The following SIPA1L3 variants were observed in gnomAD, a reference collection of about 807,000 sequenced individuals.
SIPA1L3 encodes the protein signal-induced proliferation-associated 1-like protein 3.
In SIPA1L3, 59 loss-of-function variants were observed where a neutral mutation model predicts 150.1. The observed-to-expected ratio is 0.39, with a 90% CI of 0.32 to 0.49. SIPA1L3 has a LOEUF of 0.49. Among genes scored for constraint, SIPA1L3 ranks in the 20% least tolerant of loss-of-function variants. The pLI is 0.86. For synonymous variants in SIPA1L3, 1,070 were observed against 1,077.6 expected (o/e 0.99, Z 0.14); for missense variants, 2,211 against 2,489.5 (o/e 0.89, Z 2.38).
In SIPA1L3 at chr19:38,182,606, C is replaced by A; in HGVS notation, c.4296C>A (p.Pro1432=). The A allele has an allele frequency of 6.2e-7, 1 of 1,614,230 alleles. No homozygotes were observed. The highest frequency in any genetic ancestry group is 2.2e-5 in the East Asian group (1 of 44,884). ...CTCGGCCCTCCCAGCTGGCCCAGCCCAGCCCCTTTCAGCTCTCCGCCTCCG... is the reference window on the plus strand; with the variant it reads ...CTCGGCCCTCCCAGCTGGCCCAGCCAAGCCCCTTTCAGCTCTCCGCCTCCG... ...ETPRPSQLAQ[P]SPFQLSASVP... Residue 1432 remains proline (P), a synonymous_variant, in exon 16 of 22, where the codon CCC becomes CCA. Coordinates refer to ENST00000222345, the MANE Select transcript of SIPA1L3 (RefSeq NM_015073.3).
chr19:37,913,303 T>C (rs1335238020), intron 1 of SIPA1L3, among the ~76,000 whole-genome samples: 2 of 152,156 alleles, frequency 1.3e-5, no homozygotes, highest in African/African-American at 4.8e-5. Context: ...GGTCCTATCC[T>C]AGGCACTGAG....
chr19:38,106,665 G>A (rs1405750946), intron 7 of SIPA1L3, 25 bp downstream of exon 7: 7 of 1,531,752 alleles, frequency 4.6e-6, no homozygotes, highest in Middle Eastern at 1.7e-4. Flanking sequence ...GCAGAGGCAC[G>A]GCTGCCGGAT....
intron 2 of SIPA1L3, among the ~76,000 whole-genome samples, chr19:38,058,272 A>G (rs1394761042): frequency 6.6e-6 from 1 of 152,144 alleles, no homozygotes; most frequent in Non-Finnish European, 1.5e-5. Flanking sequence ...CTTCACATCC[A>G]GCGAGGGTCA....
intron 2 of SIPA1L3, among the ~76,000 whole-genome samples, chr19:38,044,558 G>T (rs955008069): frequency 3.9e-4 from 60 of 152,178 alleles, no homozygotes; most frequent in Non-Finnish European, 7.2e-4. Flanking sequence ...GCTGAAGGGA[G>T]CAGGTTCAAG....
At chr19:37,934,293 G>T (rs1443255772) in intron 1 of SIPA1L3, among the ~76,000 whole-genome samples, 1 of 152,202 alleles carries the variant, frequency 6.6e-6, no homozygotes, top group African/African-American at 2.4e-5. Flanking sequence ...ATCATCGCAT[G>T]TCAGGACCTG....
At chr19:37,941,547 C>T (rs940456031) in intron 1 of SIPA1L3, among the ~76,000 whole-genome samples, 1 of 151,694 alleles carries the variant, frequency 6.6e-6, no homozygotes, top group African/African-American at 2.4e-5. Context: ...TGCTCATACC[C>T]TGTCCTGAGC....
chr19:37,916,345 T>C (rs961065228), intron 1 of SIPA1L3, among the ~76,000 whole-genome samples: 3 of 151,718 alleles, frequency 2.0e-5, no homozygotes, highest in African/African-American at 4.8e-5. Context: ...GCAAAAAATT[T>C]TTAAATTAGC....
intron 4 of SIPA1L3, among the ~76,000 whole-genome samples, chr19:38,092,921 G>A (rs1024413284): frequency 1.4e-5 from 2 of 147,106 alleles, no homozygotes; most frequent in African/African-American, 2.5e-5. Flanking sequence ...GGGCAGTGGC[G>A]TGATCTCTGC....
At chr19:38,156,159 G>A (rs1470922498) in intron 13 of SIPA1L3, among the ~76,000 whole-genome samples, 1 of 152,174 alleles carries the variant, frequency 6.6e-6, no homozygotes, top group Non-Finnish European at 1.5e-5. Flanking sequence ...CCTCTTTGCT[G>A]TCTCCAGGGT....
rs528743825 is a variant in SIPA1L3 at position 38,106,354 on chromosome 19, G to A, written c.2030-183G>A. On this transcript the variant is annotated intron_variant, in intron 6 of 21. Coordinates refer to ENST00000222345, the MANE Select transcript of SIPA1L3 (RefSeq NM_015073.3). ...ACTCCTGACCTCAGATGATCCACCT[G>A]CCTCAGCCTCCCAAAGTGCTGGGAT... is the stretch of plus-strand genomic sequence containing the variant. 2.4e-5 allele frequency: 13 copies of A among 535,750 alleles called. No homozygotes were observed. The East Asian group carries it at 3.3e-4, about 13-fold the overall frequency. The allele number at this position is 535,750 out of a possible 1,614,324, so 33.2% of individuals were successfully genotyped here. A position where few individuals can be genotyped will look rare whatever the true frequency, so the allele number is the denominator to read the frequency against.
Position 38,207,884 on chromosome 19 carries a change from C to T in SIPA1L3, c.*1644C>T, listed in dbSNP as rs1600218518. ...TCAGCGCTGCCCCTGCCCCCACCCT[C>T]ACCCCCAACACCAAGAGTGAGGTGG... On this transcript the variant is annotated 3_prime_UTR_variant, in exon 22 of 22. Transcript: ENST00000222345. 6.5e-6 allele frequency: 1 copy of T among 152,702 alleles called. No homozygotes were observed. The highest frequency in any genetic ancestry group is 1.5e-5 in the Non-Finnish European group (1 of 68,024). The allele number at this position is 152,702 out of a possible 1,614,324, so 9.5% of individuals were successfully genotyped here. A position where few individuals can be genotyped will look rare whatever the true frequency, so the allele number is the denominator to read the frequency against.
intron 1 of SIPA1L3, among the ~76,000 whole-genome samples, chr19:38,001,527 G>A (rs929459596): frequency 3.9e-5 from 6 of 152,062 alleles, no homozygotes; most frequent in African/African-American, 1.4e-4. Flanking sequence ...CTTAGCTCAG[G>A]TGATCCTCTT....
At chr19:38,205,890 C>T (rs1228994055) in intron 21 of SIPA1L3, among the ~76,000 whole-genome samples, 1 of 152,216 alleles carries the variant, frequency 6.6e-6, no homozygotes, top group Non-Finnish European at 1.5e-5. Context: ...CCCTCAGCCT[C>T]CTGGTAGAGT....
At chr19:38,122,382 G>A (rs982979746) in intron 9 of SIPA1L3, among the ~76,000 whole-genome samples, 1 of 152,144 alleles carries the variant, frequency 6.6e-6, no homozygotes, top group Non-Finnish European at 1.5e-5. Flanking sequence ...ATCAGCCTGG[G>A]CTCCACTCTC....
At chr19:38,106,193 G>A (rs558840773) in intron 6 of SIPA1L3, 76 of 259,924 alleles carry the variant, frequency 2.9e-4, no homozygotes, top group African/African-American at 1.2e-3. Context: ...TGCAACCTCC[G>A]CCTCCCGGGT....
At chr19:38,126,162 CAG>C (rs950708847) in intron 9 of SIPA1L3, among the ~76,000 whole-genome samples, 6 of 151,954 alleles carry the variant, frequency 3.9e-5, no homozygotes, top group Admixed American at 3.3e-4. Flanking sequence ...AGCCTGGTGA[CAG>C]AGTGAGGCTC....
intron 2 of SIPA1L3, among the ~76,000 whole-genome samples, chr19:38,036,264 G>T (rs1227226367): frequency 2.0e-5 from 3 of 152,218 alleles, no homozygotes; most frequent in African/African-American, 7.2e-5. Flanking sequence ...TGGGTGATTC[G>T]GAGGGAAGGT....
At chr19:38,152,714 C>T (rs1452803159) in intron 12 of SIPA1L3, 126 bp from the exon 13 acceptor site, 30 of 1,004,650 alleles carry the variant, frequency 3.0e-5, no homozygotes, top group South Asian at 8.4e-5. Context: ...ACCGCTTTCT[C>T]TCATCCACAG....
intron 2 of SIPA1L3, among the ~76,000 whole-genome samples, chr19:38,069,914 G>T (rs1053370956): frequency 1.3e-5 from 2 of 150,702 alleles, no homozygotes; most frequent in African/African-American, 4.9e-5. Flanking sequence ...GACCTCAAGT[G>T]ATCTGCCTGC....
Sources: allele counts gnomAD v4.1 joint callset (sites outside exome capture counted in the v4.1 genomes callset), GRCh38; gene constraint gnomAD v4.1.1; transcripts MANE v1.5; gene names NCBI Gene and HGNC (gene_info 2026-07-23, HGNC 2026-07-21).